The following DIP2C variants were observed in gnomAD, a reference collection of about 807,000 sequenced individuals.
DIP2C encodes disco-interacting protein 2 homolog C.
In DIP2C, 33 loss-of-function variants were observed where a neutral mutation model predicts 192.4. The observed-to-expected ratio is 0.17, with a 90% CI of 0.13 to 0.23. DIP2C has a LOEUF of 0.23. Ranked by LOEUF, DIP2C falls within the 10% of genes least tolerant of loss-of-function variation. DIP2C has a pLI of 1.00. For synonymous variants in DIP2C, 979 were observed against 864.1 expected (o/e 1.13, Z -2.33); for missense variants, 1,537 against 2,110.1 (o/e 0.73, Z 5.32).
chr10:366,750 T>C (rs1326092261), intron 18 of DIP2C, among the ~76,000 whole-genome samples: 1 of 152,146 alleles, frequency 6.6e-6, no homozygotes, highest in Non-Finnish European at 1.5e-5. Context: ...ACACCAGACA[T>C]CAGCAACGTG....
Position 318,629 on chromosome 10 carries a change from A to G in DIP2C, c.3924+8377T>C, listed in dbSNP as rs181908926. On this transcript the variant is annotated intron_variant, in intron 31 of 36. Transcript: ENST00000280886. Reference sequence around the variant, plus strand: ...GAGGTTTCCATTGCTTACAGGTCAGAAAGCTGGCTGACGTGCAGGATACCT... The same window carrying G: ...GAGGTTTCCATTGCTTACAGGTCAGGAAGCTGGCTGACGTGCAGGATACCT... Among the ~76,000 whole-genome samples, 62 of 152,318 alleles carry G rather than the reference A, an allele frequency of 4.1e-4. 1 individual carries two copies. The highest frequency in any genetic ancestry group is 1.3e-3 in the African/African-American group (54 of 41,576).
intron 10 of DIP2C, among the ~76,000 whole-genome samples, chr10:396,838 AAACTGGCTGCAAATCCGG>A (rs1564659207): frequency 5.0e-5 from 2 of 40,230 alleles, no homozygotes; most frequent in South Asian, 1.0e-3. Flanking sequence ...GGGGGGGGGG[AAACTGGCTGCAAATCCGG>A]TGGGGGGGAA....
chr10:579,555 A>G (rs375790810), intron 1 of DIP2C, among the ~76,000 whole-genome samples: 8 of 152,252 alleles, frequency 5.3e-5, no homozygotes, highest in African/African-American at 1.9e-4. Flanking sequence ...GTGTACATAC[A>G]TAGGTACACT....
intron 10 of DIP2C, among the ~76,000 whole-genome samples, chr10:392,115 G>A (rs1000225234): frequency 4.6e-5 from 7 of 152,146 alleles, no homozygotes; most frequent in African/African-American, 1.4e-4. Context: ...GATGCTGCTT[G>A]CTCAAGTAAA....
intron 24 of DIP2C, among the ~76,000 whole-genome samples, chr10:355,684 G>A (rs1959048318): frequency 1.3e-5 from 2 of 152,166 alleles, no homozygotes; most frequent in Admixed American, 1.3e-4. Flanking sequence ...TTTGATGAGT[G>A]TAGTTTTCTC....
At chr10:617,378 G>A (rs1410052910) in intron 1 of DIP2C, among the ~76,000 whole-genome samples, 4 of 152,160 alleles carry the variant, frequency 2.6e-5, no homozygotes, top group South Asian at 4.1e-4. Flanking sequence ...AATGTGAGAT[G>A]GGAATGGTAA....
chr10:356,588 C>CA, intron 23 of DIP2C, 82 bp from the exon 24 acceptor site: 3 of 1,192,158 alleles, frequency 2.5e-6, no homozygotes, highest in South Asian at 1.4e-5. Context: ...CCTGGATACT[C>CA]AAACCCATAG....
At chr10:479,462 G>A (rs1174347347) in intron 2 of DIP2C, among the ~76,000 whole-genome samples, 4 of 151,670 alleles carry the variant, frequency 2.6e-5, no homozygotes, top group Admixed American at 1.3e-4. Flanking sequence ...GCGTCCCGAG[G>A]AGCTGGAATT....
At chr10:340,672 C>T in intron 29 of DIP2C, 1 of 431,994 alleles carries the variant, frequency 2.3e-6, no homozygotes, top group Non-Finnish European at 4.7e-6. Context: ...TCTGGTCATT[C>T]ATTCATCCCA....
chr10:354,823 A>G (rs116339985), intron 24 of DIP2C, among the ~76,000 whole-genome samples: 5,699 of 151,936 alleles, frequency 0.038, 302 homozygotes, highest in African/African-American at 0.12. Flanking sequence ...GATACTGGAA[A>G]TCTCTAGAGA....
chr10:545,396 T>C (rs1848232587), intron 1 of DIP2C, among the ~76,000 whole-genome samples: 1 of 152,030 alleles, frequency 6.6e-6, no homozygotes, highest in African/African-American at 2.4e-5. Flanking sequence ...CCTCAGGTGA[T>C]CCACCCACCT....
At chr10:346,612 C>T (rs191926322) in intron 26 of DIP2C, among the ~76,000 whole-genome samples, 3 of 141,032 alleles carry the variant, frequency 2.1e-5, no homozygotes, top group African/African-American at 2.7e-5. Context: ...ACACACCGCG[C>T]ATAGTTCTCC....
At chr10:494,176 A>G (rs1008127745) in intron 1 of DIP2C, among the ~76,000 whole-genome samples, 1 of 152,210 alleles carries the variant, frequency 6.6e-6, no homozygotes, top group Non-Finnish European at 1.5e-5. Context: ...TTGGAGAAAC[A>G]AGAGAACTGC....
chr10:474,436 C>T (rs2066318), intron 2 of DIP2C, among the ~76,000 whole-genome samples: 135,685 of 152,102 alleles, frequency 0.89, 62,107 homozygotes, highest in East Asian at 0.99. Flanking sequence ...CCATACCTTC[C>T]TGCCCACGAT....
rs72478220 is a variant in DIP2C at position 436,571 on chromosome 10, C to T, written c.394+4300G>A. On this transcript the variant is annotated intron_variant, in intron 4 of 36. Transcript: ENST00000280886. The stretch of plus-strand genomic sequence containing the variant: ...TGAGCTCTGAGCTCCACCTCCTAGA[C>T]GTGGTAGGGTGATATGCTCCACCCA... 2.5e-4 allele frequency among the ~76,000 whole-genome samples: 37 copies of T among 145,990 alleles called. No individual in the cohort carries two copies. The East Asian group carries it at 7.2e-3, about 28-fold the overall frequency.
At chr10:657,060 ACTGGACATGCTG>A (rs1856386207) in intron 1 of DIP2C, among the ~76,000 whole-genome samples, 1 of 150,164 alleles carries the variant, frequency 6.7e-6, no homozygotes, top group Non-Finnish European at 1.5e-5. Context: ...TGGACCTGAC[ACTGGACATGCTG>A]CTGGACTTGC....
intron 1 of DIP2C, among the ~76,000 whole-genome samples, chr10:552,828 G>GC (rs762247291): frequency 9.9e-5 from 15 of 152,268 alleles, no homozygotes; most frequent in Middle Eastern, 3.4e-3. Flanking sequence ...CAGCCTGGGC[G>GC]CCAGAGCAAG....
At chr10:298,143 C>G (rs540958504) in intron 32 of DIP2C, among the ~76,000 whole-genome samples, 1 of 152,198 alleles carries the variant, frequency 6.6e-6, no homozygotes, top group Admixed American at 6.5e-5. Context: ...TCCCAGGATC[C>G]TACCCAGGAT....
intron 17 of DIP2C, 159 bp from the exon 18 acceptor site, chr10:369,792 C>T (rs1337778191): frequency 5.8e-6 from 8 of 1,377,028 alleles, no homozygotes; most frequent in Non-Finnish European, 8.0e-6. Flanking sequence ...TTAGGGGATG[C>T]TCGTTCTGTT....
Sources: allele counts gnomAD v4.1 joint callset (sites outside exome capture counted in the v4.1 genomes callset), GRCh38; gene constraint gnomAD v4.1.1; transcripts MANE v1.5; gene names NCBI Gene and HGNC (gene_info 2026-07-23, HGNC 2026-07-21).